The following UBE2D2 variants were observed in gnomAD, a reference collection of about 807,000 sequenced individuals.
UBE2D2 encodes the protein ubiquitin conjugating enzyme E2 D2.
Under a neutral mutation model 24.2 loss-of-function variants are expected in UBE2D2, and 2 were observed. That is an observed-to-expected ratio of 0.08 (90% CI 0.03 to 0.26). The LOEUF (loss-of-function observed/expected upper bound fraction) is 0.26, where lower values mean the gene tolerates loss of function less well. UBE2D2 is among the 10% of genes least tolerant of loss of function. UBE2D2 has a pLI of 1.00. For synonymous variants in UBE2D2, 58 were observed against 56.5 expected, an observed-to-expected ratio of 1.03 and a Z score of -0.12; for missense variants, 44 against 177.6, an observed-to-expected ratio of 0.25 and a Z score of 4.28.
chr5:139,560,870 T>G (rs1374440685), upstream of UBE2D2, among the ~76,000 whole-genome samples: 1 of 152,230 alleles, frequency 6.6e-6, no homozygotes, highest in East Asian at 1.9e-4. Flanking sequence ...TCGTGGCAGG[T>G]GCCCGAGCTG....
intron 1 of UBE2D2, among the ~76,000 whole-genome samples, chr5:139,567,169 G>T (rs978222442): frequency 5.9e-5 from 9 of 152,020 alleles, no homozygotes; most frequent in African/African-American, 2.2e-4. Context: ...GCATGATCTC[G>T]GCTCACTGCA....
Position 139,626,830 on chromosome 5 carries a change from A to T in UBE2D2, c.*29A>T, listed in dbSNP as rs756302927. 2 of 1,591,590 alleles carry T rather than the reference A, an allele frequency of 1.3e-6. No individual in the cohort carries two copies. Among genetic ancestry groups the T allele is most frequent in the South Asian group, 2.2e-5 (2 of 90,134 alleles). On this transcript the variant is annotated 3_prime_UTR_variant, in exon 7 of 7. Coordinates refer to ENST00000398733, the MANE Select transcript of UBE2D2 (RefSeq NM_003339.3). ...AAGAAATTATTGGATAACCTCTACA[A>T]ATAAAGATAGGGGAACTCTGAAAGA...
upstream of UBE2D2, among the ~76,000 whole-genome samples, chr5:139,556,175 G>A (rs1216079452): frequency 6.6e-6 from 1 of 151,962 alleles, no homozygotes; most frequent in Non-Finnish European, 1.5e-5. Flanking sequence ...GGTAGAGATT[G>A]CGGTGAGCTG....
At chr5:139,585,935 C>CAAAA (rs60277561) in intron 1 of UBE2D2, among the ~76,000 whole-genome samples, 27 of 25,526 alleles carry the variant, frequency 1.1e-3, no homozygotes, top group South Asian at 1.8e-3. Context: ...GACTCTGTCT[C>CAAAA]AAAAAAAAAA....
intron 1 of UBE2D2, among the ~76,000 whole-genome samples, chr5:139,565,527 C>T (rs573539101): frequency 6.6e-6 from 1 of 152,292 alleles, no homozygotes; most frequent in African/African-American, 2.4e-5. Context: ...CTGCCTCTAG[C>T]AGCACCACCC....
rs186273491 is a variant in UBE2D2, at chr5:139,540,078, C to A, written c.-64+13466C>A. Among the ~76,000 whole-genome samples, 1,172 of 151,640 alleles carry A rather than the reference C, an allele frequency of 7.7e-3. 8 individuals are homozygous for A. The highest frequency in any genetic ancestry group is 0.041 in the Middle Eastern group (12 of 290). On this transcript the variant is annotated intron_variant, in intron 1 of 6. Coordinates refer to the UBE2D2 transcript ENST00000511725. ...GGGATTACAGGCATGCACCACTACG[C>A]CTGGCTAATTTTGTATTTTTAGTAG...
intron 6 of UBE2D2, among the ~76,000 whole-genome samples, chr5:139,624,986 GTCA>G (rs1754584195): frequency 6.6e-6 from 1 of 152,074 alleles, no homozygotes; most frequent in African/African-American, 2.4e-5. Flanking sequence ...CATTTCCCAA[GTCA>G]TCATGGAGTA....
At chr5:139,536,807 T>C (rs931841742) in intron 1 of UBE2D2, among the ~76,000 whole-genome samples, 2 of 152,150 alleles carry the variant, frequency 1.3e-5, no homozygotes, top group Non-Finnish European at 2.9e-5. Flanking sequence ...TTACCTTTTA[T>C]ATTATTTTGA....
chr5:139,573,935 C>T (rs1382469197), intron 1 of UBE2D2, among the ~76,000 whole-genome samples: 4 of 151,620 alleles, frequency 2.6e-5, no homozygotes, highest in South Asian at 2.1e-4. Context: ...CACGCCACTG[C>T]GCTCCAGCCT....
intron 1 of UBE2D2, 77 bp downstream of exon 1, chr5:139,561,892 CG>C: frequency 7.0e-7 from 1 of 1,430,906 alleles, no homozygotes. Flanking sequence ...TAGTCTCCGT[CG>C]GGCTCGCGGC....
intron 2 of UBE2D2, among the ~76,000 whole-genome samples, chr5:139,609,626 C>T (rs2126696024): frequency 6.6e-6 from 1 of 151,424 alleles, no homozygotes; most frequent in Admixed American, 6.6e-5. Flanking sequence ...TCGCCTCGGC[C>T]TCCCAAAGTG....
At chr5:139,595,892 G>GTTTTTTTTTTT (rs70988709) in intron 1 of UBE2D2, among the ~76,000 whole-genome samples, 9 of 98,852 alleles carry the variant, frequency 9.1e-5, no homozygotes, top group South Asian at 3.5e-4. Flanking sequence ...GTTTTTTGTT[G>GTTTTTTTTTTT]TTTTTTTTTT....
intron 1 of UBE2D2, among the ~76,000 whole-genome samples, chr5:139,535,877 C>G (rs1364620091): frequency 6.6e-6 from 1 of 151,966 alleles, no homozygotes; most frequent in Non-Finnish European, 1.5e-5. Context: ...ATTAATACTT[C>G]CACTTGTTTA....
intron 1 of UBE2D2, chr5:139,562,064 G>A: frequency 1.2e-6 from 1 of 835,776 alleles, no homozygotes; most frequent in Non-Finnish European, 1.8e-6. Flanking sequence ...AGGCCCGCAT[G>A]GTGTGGACTC....
chr5:139,537,197 A>C lies in UBE2D2; in HGVS notation c.-64+10585A>C, dbSNP rs188841438. 3.4e-3 allele frequency among the ~76,000 whole-genome samples: 517 copies of C among 151,900 alleles called. 2 individuals carry two copies. The highest frequency in any genetic ancestry group is 0.014 in the Middle Eastern group (4 of 292). The stretch of plus-strand genomic sequence containing the variant: ...GACTCTGTCTCACAAAAAAAAAAAA[A>C]ACAACAAAAAGTAATATACCCTTAA... On this transcript the variant is annotated intron_variant, in intron 1 of 6. Coordinates refer to the UBE2D2 transcript ENST00000511725.
chr5:139,585,550 G>A (rs530331569), intron 1 of UBE2D2, among the ~76,000 whole-genome samples: 5 of 152,018 alleles, frequency 3.3e-5, no homozygotes, highest in African/African-American at 7.2e-5. Context: ...GTTTCCTGCC[G>A]CTATTGGTGA....
chr5:139,622,941 C>T (rs550297801), intron 5 of UBE2D2, among the ~76,000 whole-genome samples: 51 of 151,992 alleles, frequency 3.4e-4, no homozygotes, highest in Admixed American at 2.0e-3. Context: ...TGGTGGCTCA[C>T]GCTTGTAATC....
At chr5:139,527,600 G>A (rs1752556538) in intron 1 of UBE2D2, among the ~76,000 whole-genome samples, 1 of 152,024 alleles carries the variant, frequency 6.6e-6, no homozygotes, top group Non-Finnish European at 1.5e-5. Flanking sequence ...AAAATAAAGG[G>A]GAGAGGCAGA....
At chr5:139,547,404 C>T (rs956935615) in intron 1 of UBE2D2, among the ~76,000 whole-genome samples, 4 of 152,120 alleles carry the variant, frequency 2.6e-5, no homozygotes, top group African/African-American at 4.8e-5. Flanking sequence ...TTAGTAGAGA[C>T]GCGGTTTCAC....
Sources: gnomAD v4.1 joint callset for allele counts (sites outside exome capture counted in the v4.1 genomes callset) on GRCh38, gnomAD v4.1.1 for gene constraint, MANE v1.5 for transcripts, NCBI Gene and HGNC (gene_info 2026-07-23, HGNC 2026-07-21) for gene names.